The following TPR variants were observed in gnomAD, a reference collection of about 807,000 sequenced individuals.
TPR encodes the protein nucleoprotein TPR.
In TPR, 51 loss-of-function variants were observed where a neutral mutation model predicts 316.1. The ratio of observed to expected loss-of-function variants is 0.16; its 90% CI spans 0.13 to 0.20. The LOEUF is 0.20. TPR is among the 10% of genes least tolerant of loss of function. The pLI is 1.00. For synonymous variants in TPR, 981 were observed against 914.7 expected (o/e 1.07, Z -1.31); for missense variants, 2,272 against 2,754.8 (o/e 0.82, Z 3.92).
chr1:186,325,595 C>T (rs945026857), intron 42 of TPR, 169 bp downstream of exon 42: 3 of 526,540 alleles, frequency 5.7e-6, no homozygotes, highest in Non-Finnish European at 9.7e-6. Context: ...ACCTAACAAT[C>T]ATAAATATAG....
chr1:186,327,439 A>T, intron 40 of TPR, 21 bp downstream of exon 40: 1 of 1,605,254 alleles, frequency 6.2e-7, no homozygotes, highest in Non-Finnish European at 8.5e-7. Context: ...AAAACACTAG[A>T]TGATTTCAAA....
At position 186,350,383 on chromosome 1, in the gene TPR, T is replaced by C. The variant is rs1409058459; in HGVS notation, c.2616A>G (p.Gln872=). The C allele has an allele frequency of 3.1e-6, 5 of 1,592,044 alleles. No homozygotes were observed. The highest frequency in any genetic ancestry group is 1.8e-5 in the Admixed American group (1 of 56,728). The part of the protein sequence containing the change: ...RHTLTRNLDV[Q]LLDTKRQLDT... The stretch of plus-strand genomic sequence containing the variant: ...CCAGTTGTCTCTTTGTATCTAAAAG[T>C]TGAACCTATAAAATACATTAATCTT... The change falls in exon 21 of 51, where the codon CAA becomes CAG. Residue 872 remains glutamine, a synonymous_variant. Transcript: ENST00000367478.
chr1:186,319,092 G>A (rs1022057537), intron 46 of TPR, among the ~76,000 whole-genome samples: 2 of 152,126 alleles, frequency 1.3e-5, no homozygotes, highest in African/African-American at 4.8e-5. Flanking sequence ...CTGGGCTCAA[G>A]TGATCCTCCC....
At chr1:186,368,971 G>T (rs756062498) in intron 3 of TPR, among the ~76,000 whole-genome samples, 2 of 152,102 alleles carry the variant, frequency 1.3e-5, no homozygotes, top group Non-Finnish European at 2.9e-5. Flanking sequence ...CTTCAAATGT[G>T]GAAATCCAGT....
In TPR at chr1:186,337,194, A is replaced by G. The variant is rs748600526; in HGVS notation, c.4363-38T>C. The G allele has an allele frequency of 1.3e-6, 2 of 1,560,986 alleles. 1 individual carries two copies. The highest frequency in any genetic ancestry group is 2.4e-5 in the South Asian group (2 of 82,704). On this transcript the variant is annotated intron_variant, in intron 31 of 50. Transcript: ENST00000367478. ...ACAGTAATAATACACTCACATATTTATATTCAGTAATTCCATTTCTGCAAG... is the reference window on the plus strand; with the variant it reads ...ACAGTAATAATACACTCACATATTTGTATTCAGTAATTCCATTTCTGCAAG...
intron 7 of TPR, 81 bp from the exon 8 acceptor site, chr1:186,361,950 A>G: frequency 7.1e-7 from 1 of 1,416,374 alleles, no homozygotes; most frequent in Non-Finnish European, 9.6e-7. Context: ...GAAAAATTCC[A>G]TTTTTGTAAA....
chr1:186,325,830 T>C lies in TPR; in HGVS notation c.6046A>G (p.Thr2016Ala). 6.2e-7 allele frequency: 1 copy of C among 1,613,710 alleles called. No homozygotes were observed. Residue 2016 changes from threonine to alanine, a missense_variant, in exon 42 of 51, where the codon ACA becomes GCA. By Grantham distance (58) the Thr-to-Ala change is moderately conservative. Around this residue, in one of 10 missense-constraint regions of TPR, gnomAD observed 435 missense variants for 461.1 expected, o/e 0.94. Transcript: ENST00000367478. ...AEGGDGTDPG[T>A]ETEESMGGGE... Reference sequence around the variant, plus strand: ...CCACCCATACTTTCTTCTGTTTCTGTACCTGGATCAGTCCCATCACCACCC... The same window carrying C: ...CCACCCATACTTTCTTCTGTTTCTGCACCTGGATCAGTCCCATCACCACCC...
At chr1:186,333,998 T>C (rs1658260632) in intron 36 of TPR, among the ~76,000 whole-genome samples, 1 of 152,082 alleles carries the variant, frequency 6.6e-6, no homozygotes, top group African/African-American at 2.4e-5. Context: ...CAGAATAAAA[T>C]ACAAAGTTGT....
intron 27 of TPR, chr1:186,342,048 C>T (rs1658522536): frequency 6.6e-6 from 1 of 152,054 alleles, no homozygotes; most frequent in African/African-American, 2.4e-5. Context: ...CGGCTCACTG[C>T]AAGCTCCGCC....
At chr1:186,345,507 A>G (rs1375860224) in intron 24 of TPR, 73 bp downstream of exon 24, 1 of 1,199,302 alleles carries the variant, frequency 8.3e-7, no homozygotes, top group African/African-American at 1.5e-5. Context: ...ACCAGTTCTT[A>G]TAATGCATAA....
Position 186,375,232 on chromosome 1 carries a change from A to G in TPR, c.-204T>C. The stretch of plus-strand genomic sequence containing the variant: ...TCAGCGGCAGCGTTTCAGCAACAGC[A>G]CCTCACCGCCCGCGACCGAAGTGCG... On this transcript the variant is annotated 5_prime_UTR_variant, in exon 1 of 51. Coordinates refer to ENST00000367478, the MANE Select transcript of TPR (RefSeq NM_003292.3). The G allele has an allele frequency of 6.8e-7, 1 of 1,463,292 alleles. No homozygotes were observed. The highest frequency in any genetic ancestry group is 9.0e-7 in the Non-Finnish European group (1 of 1,106,144). 90.6% of individuals were successfully genotyped at this position (1,463,292 alleles called of 1,614,324 possible). A position where few individuals can be genotyped will look rare whatever the true frequency, so the allele number is the denominator to read the frequency against.
intron 18 of TPR, among the ~76,000 whole-genome samples, chr1:186,352,953 C>A (rs550037037): frequency 3.2e-4 from 48 of 152,248 alleles, no homozygotes; most frequent in Admixed American, 2.5e-3. Flanking sequence ...CATCACAAAA[C>A]TAAGTATTTA....
chr1:186,334,173 C>T, intron 36 of TPR, 152 bp downstream of exon 36: 2 of 802,836 alleles, frequency 2.5e-6, no homozygotes, highest in East Asian at 2.8e-5. Flanking sequence ...AATTTTGGTC[C>T]TAGAAGTATG....
intron 9 of TPR, 124 bp from the exon 10 acceptor site, chr1:186,361,029 T>C: frequency 4.0e-6 from 4 of 1,000,082 alleles, no homozygotes; most frequent in Non-Finnish European, 5.7e-6. Context: ...AGGCTTCAGC[T>C]GACAGTATCT....
chr1:186,350,129 C>G, intron 21 of TPR, 94 bp downstream of exon 21: 1 of 1,175,498 alleles, frequency 8.5e-7, no homozygotes, highest in Non-Finnish European at 1.1e-6. Flanking sequence ...TACTAGCATT[C>G]ACAAAGAATT....
chr1:186,354,170 T>C (rs552863800), intron 17 of TPR, among the ~76,000 whole-genome samples: 2 of 152,202 alleles, frequency 1.3e-5, no homozygotes, highest in Non-Finnish European at 2.9e-5. Context: ...GTTAATTTTA[T>C]GATTTATGAA....
At chr1:186,353,269 G>A (rs1035644582) in intron 18 of TPR, among the ~76,000 whole-genome samples, 10 of 152,038 alleles carry the variant, frequency 6.6e-5, no homozygotes, top group African/African-American at 2.4e-4. Context: ...CTACTCAGGA[G>A]GTTGAGGCAG....
chr1:186,330,721 T>G (rs1274552995), intron 39 of TPR, among the ~76,000 whole-genome samples: 1 of 152,096 alleles, frequency 6.6e-6, no homozygotes, highest in Admixed American at 6.6e-5. Context: ...TATTTCTTCC[T>G]CATGAGCAAA....
At chr1:186,363,755 T>C (rs1659258843) in intron 4 of TPR, among the ~76,000 whole-genome samples, 1 of 152,114 alleles carries the variant, frequency 6.6e-6, no homozygotes, top group Non-Finnish European at 1.5e-5. Context: ...TATGTAGATA[T>C]TAGTGTATTT....
Sources: gnomAD v4.1 joint callset for allele counts (sites outside exome capture counted in the v4.1 genomes callset) on GRCh38, gnomAD v4.1.1 for gene constraint, gnomAD v4.1.1 regional missense constraint, MANE v1.5 for transcripts, NCBI Gene and HGNC (gene_info 2026-07-23, HGNC 2026-07-21) for gene names.